Variants in SUSD1 observed in about 807,000 individuals in gnomAD.
SUSD1 encodes sushi domain containing 1, also known as sushi domain-containing protein 1.
Under a neutral mutation model 86.9 loss-of-function variants are expected in SUSD1, and 65 were observed. The observed-to-expected ratio is 0.75, with a 90% CI of 0.61 to 0.92. The LOEUF (loss-of-function observed/expected upper bound fraction) is 0.92, where lower values mean the gene tolerates loss of function less well. SUSD1 is among the 40% of genes least tolerant of loss of function. The pLI is 0.00. For synonymous variants in SUSD1, 346 were observed against 350.0 expected (o/e 0.99, Z 0.13); for missense variants, 850 against 929.7 (o/e 0.91, Z 1.11).
In SUSD1 at chr9:112,058,706, G is replaced by A. The variant is rs112815777; in HGVS notation, c.1851-20C>T. The A allele has an allele frequency of 3.6e-4, 573 of 1,612,710 alleles. 1 individual carries two copies. In the African/African-American group the frequency reaches 5.3e-3, roughly 15 times the overall value. On this transcript the variant is annotated intron_variant, in intron 13 of 16. Coordinates refer to ENST00000374270, the MANE Select transcript of SUSD1 (RefSeq NM_022486.5). ...TATGAACTGGAAGAAAAAAGGAGAA[G>A]TGTCCATCAGACCCTTGCATGGGGA...
At chr9:112,149,569 C>T (rs917494629) in intron 2 of SUSD1, among the ~76,000 whole-genome samples, 170 bp from the exon 3 acceptor site, 1 of 152,180 alleles carries the variant, frequency 6.6e-6, no homozygotes, top group Non-Finnish European at 1.5e-5. Flanking sequence ...GACTACAGGA[C>T]CTGGGCCCCT....
At chr9:112,042,179 G>A (rs1827770553) in intron 15 of SUSD1, 2 of 1,536,642 alleles carry the variant, frequency 1.3e-6, no homozygotes, top group African/African-American at 2.7e-5. Context: ...AAAAGGAAGT[G>A]TAAAGCCAGA....
At chr9:112,070,120 C>T (rs1447360246) in intron 12 of SUSD1, among the ~76,000 whole-genome samples, 1 of 152,168 alleles carries the variant, frequency 6.6e-6, no homozygotes, top group Non-Finnish European at 1.5e-5. Flanking sequence ...ATTCTCCTGC[C>T]ACAGCCTCCC....
intron 12 of SUSD1, among the ~76,000 whole-genome samples, chr9:112,068,758 A>T (rs925116918): frequency 2.2e-4 from 33 of 152,072 alleles, no homozygotes; most frequent in Admixed American, 4.6e-4. Context: ...CAACTTAGAG[A>T]GCTGATCAAA....
rs943095052 is a variant in SUSD1, at chr9:112,043,054, C to T, written c.2150-1094G>A. On this transcript the variant is annotated intron_variant, in intron 15 of 16. Coordinates refer to ENST00000374270, the MANE Select transcript of SUSD1 (RefSeq NM_022486.5). ...CATTCCTGGGCGTAGGCTGAACTAACTTTGGGAGGAACTCAGTTTATAGTT... is the reference window on the plus strand; with the variant it reads ...CATTCCTGGGCGTAGGCTGAACTAATTTTGGGAGGAACTCAGTTTATAGTT... Among the ~76,000 whole-genome samples the T allele has an allele frequency of 4.6e-5, 7 of 152,190 alleles. No homozygotes were observed. In the South Asian group the frequency reaches 1.4e-3, roughly 32 times the overall value.
intron 12 of SUSD1, among the ~76,000 whole-genome samples, chr9:112,067,538 G>A (rs775582270): frequency 1.2e-4 from 19 of 152,370 alleles, no homozygotes; most frequent in Middle Eastern, 3.4e-3. Context: ...AGGAACTCTG[G>A]TGCTAGGCCA....
chr9:112,143,381 C>A (rs1018307627), intron 4 of SUSD1, 90 bp downstream of exon 4: 27 of 1,364,926 alleles, frequency 2.0e-5, no homozygotes, highest in Non-Finnish European at 2.5e-5. Context: ...ATCACCTCCA[C>A]CTGCCTCCCC....
At chr9:112,062,664 C>T (rs369393368) in intron 13 of SUSD1, among the ~76,000 whole-genome samples, 4 of 152,030 alleles carry the variant, frequency 2.6e-5, no homozygotes, top group South Asian at 2.1e-4. Context: ...CACTGTACTC[C>T]GGCCTGTATG....
At chr9:112,082,353 A>G (rs765179309) in intron 10 of SUSD1, among the ~76,000 whole-genome samples, 5 of 152,244 alleles carry the variant, frequency 3.3e-5, no homozygotes, top group African/African-American at 4.8e-5. Context: ...GTTACCTTAC[A>G]TGGCAGAAAC....
At chr9:112,166,212 T>G (rs1183296383) in intron 1 of SUSD1, among the ~76,000 whole-genome samples, 3 of 152,180 alleles carry the variant, frequency 2.0e-5, no homozygotes, top group Non-Finnish European at 4.4e-5. Context: ...TGCAGGACTT[T>G]GCGGGACAAC....
At chr9:112,156,440 C>T (rs1000584501) in intron 2 of SUSD1, among the ~76,000 whole-genome samples, 10 of 149,938 alleles carry the variant, frequency 6.7e-5, no homozygotes, top group African/African-American at 9.9e-5. Context: ...CCAGCCTGGG[C>T]GACGAGTGAG....
intron 12 of SUSD1, among the ~76,000 whole-genome samples, chr9:112,075,846 A>G (rs559757560): frequency 1.2e-3 from 180 of 152,342 alleles, no homozygotes; most frequent in African/African-American, 4.1e-3. Flanking sequence ...TGGTGATGGC[A>G]GTTGAGCAGG....
chr9:112,050,179 G>A (rs571450831), intron 15 of SUSD1, among the ~76,000 whole-genome samples: 14 of 152,292 alleles, frequency 9.2e-5, no homozygotes, highest in Non-Finnish European at 1.3e-4. Flanking sequence ...AAAAATTTAT[G>A]AATGTTGGAA....
chr9:112,172,443 T>C (rs1158696422), intron 1 of SUSD1, among the ~76,000 whole-genome samples: 1 of 152,188 alleles, frequency 6.6e-6, no homozygotes, highest in East Asian at 1.9e-4. Context: ...GACTTGCATC[T>C]ACCATCTAAA....
At chr9:112,164,773 T>C (rs1471690664) in intron 1 of SUSD1, among the ~76,000 whole-genome samples, 2 of 151,900 alleles carry the variant, frequency 1.3e-5, no homozygotes, top group Non-Finnish European at 2.9e-5. Context: ...TGAAACCCCA[T>C]CTCTACTAAA....
chr9:112,119,729 C>A (rs561268457), intron 6 of SUSD1, among the ~76,000 whole-genome samples: 1 of 152,118 alleles, frequency 6.6e-6, no homozygotes, highest in African/African-American at 2.4e-5. Context: ...TTTCCAGACA[C>A]GAAAGTGATT....
intron 8 of SUSD1, 152 bp downstream of exon 8, chr9:112,111,502 C>T (rs746807046): frequency 1.0e-5 from 10 of 988,048 alleles, no homozygotes; most frequent in Non-Finnish European, 1.3e-5. Flanking sequence ...ATCTCTTGAC[C>T]TGCTCTAGTT....
chr9:112,108,348 A>G (rs191338027), intron 8 of SUSD1, among the ~76,000 whole-genome samples: 2 of 152,352 alleles, frequency 1.3e-5, no homozygotes, highest in Non-Finnish European at 2.9e-5. Context: ...TCAAACAGAA[A>G]CGAATGAAAA....
chr9:112,104,511 C>CT (rs1469999513), intron 8 of SUSD1, among the ~76,000 whole-genome samples: 1 of 152,110 alleles, frequency 6.6e-6, no homozygotes. Context: ...TGGCAGAGAG[C>CT]CTGGGTTGAC....
Sources: gnomAD v4.1 joint callset for allele counts (sites outside exome capture counted in the v4.1 genomes callset) on GRCh38, gnomAD v4.1.1 for gene constraint, MANE v1.5 for transcripts, NCBI Gene and HGNC (gene_info 2026-07-23, HGNC 2026-07-21) for gene names.